Variants in ADGRB3 observed in about 807,000 individuals in gnomAD.
ADGRB3 encodes the protein adhesion G protein-coupled receptor B3.
Under a neutral mutation model 193.4 loss-of-function variants are expected in ADGRB3, and 37 were observed. That is an observed-to-expected ratio of 0.19 (90% CI 0.15 to 0.25). The LOEUF (loss-of-function observed/expected upper bound fraction) is 0.25, where lower values mean the gene tolerates loss of function less well. Among genes scored for constraint, ADGRB3 ranks in the 10% least tolerant of loss-of-function variants. The pLI is 1.00. For missense variants in ADGRB3, 1,637 were observed against 1,852.9 expected, an observed-to-expected ratio of 0.88 and a Z score of 2.14; for synonymous variants, 690 against 644.2, an observed-to-expected ratio of 1.07 and a Z score of -1.08.
At chr6:69,380,204 G>C (rs9446112) in intron 30 of ADGRB3, among the ~76,000 whole-genome samples, 1,615 of 152,048 alleles carry the variant, frequency 0.011, 22 homozygotes, top group African/African-American at 0.037. Flanking sequence ...TCTGGTGTAA[G>C]TATTTGGCTG....
At chr6:69,321,847 A>G (rs1159618845) in intron 20 of ADGRB3, among the ~76,000 whole-genome samples, 1 of 151,786 alleles carries the variant, frequency 6.6e-6, no homozygotes, top group Non-Finnish European at 1.5e-5. Flanking sequence ...GTTTCCTTGT[A>G]TGGAGTGTTT....
At chr6:68,821,132 C>A (rs1353990734) in intron 3 of ADGRB3, among the ~76,000 whole-genome samples, 1 of 151,858 alleles carries the variant, frequency 6.6e-6, no homozygotes, top group Non-Finnish European at 1.5e-5. Context: ...AAGCCAAATA[C>A]CTTAATAACA....
At chr6:69,292,715 T>A (rs1767716108) in intron 20 of ADGRB3, among the ~76,000 whole-genome samples, 1 of 147,100 alleles carries the variant, frequency 6.8e-6, no homozygotes, top group Non-Finnish European at 1.5e-5. Context: ...ACCTCTTTCT[T>A]TTTTTTTTTT....
chr6:69,027,366 A>G (rs1197738860), intron 13 of ADGRB3, among the ~76,000 whole-genome samples: 11 of 152,138 alleles, frequency 7.2e-5, no homozygotes, highest in Admixed American at 7.2e-4. Context: ...TGGAGCTGGC[A>G]TCTCCTATGA....
chr6:68,958,905 G>A (rs1277302093), intron 8 of ADGRB3, among the ~76,000 whole-genome samples: 5 of 135,566 alleles, frequency 3.7e-5, no homozygotes, highest in Non-Finnish European at 8.1e-5. Context: ...GTGTGTGTGT[G>A]TGTGTGTACA....
At chr6:69,330,880 A>G (rs1290442375) in intron 23 of ADGRB3, among the ~76,000 whole-genome samples, 1 of 152,194 alleles carries the variant, frequency 6.6e-6, no homozygotes, top group Non-Finnish European at 1.5e-5. Context: ...CTCATCATTT[A>G]CCATAATTTC....
At chr6:69,294,055 C>T (rs946969903) in intron 20 of ADGRB3, among the ~76,000 whole-genome samples, 13 of 152,106 alleles carry the variant, frequency 8.5e-5, no homozygotes, top group African/African-American at 3.1e-4. Context: ...TCACTGTTCC[C>T]TCTTCGTCTC....
chr6:69,248,582 G>C (rs549662422), intron 20 of ADGRB3, among the ~76,000 whole-genome samples: 1 of 152,294 alleles, frequency 6.6e-6, no homozygotes, highest in African/African-American at 2.4e-5. Context: ...TCAGAGGTTG[G>C]CAAACTTTTG....
At chr6:69,219,463 A>ATATG (rs1765843727) in intron 17 of ADGRB3, among the ~76,000 whole-genome samples, 5 of 51,472 alleles carry the variant, frequency 9.7e-5, no homozygotes, top group Non-Finnish European at 1.5e-4. Flanking sequence ...ACACACACGT[A>ATATG]TATATATATA....
chr6:68,772,031 G>T (rs1194792839), intron 3 of ADGRB3, among the ~76,000 whole-genome samples: 5 of 152,100 alleles, frequency 3.3e-5, no homozygotes, highest in African/African-American at 1.2e-4. Flanking sequence ...AGGAGAAGTT[G>T]TACTTTAACA....
chr6:69,134,794 T>C (rs1381023146), intron 17 of ADGRB3, among the ~76,000 whole-genome samples: 1 of 151,834 alleles, frequency 6.6e-6, no homozygotes, highest in East Asian at 1.9e-4. Context: ...TGGAGAATAA[T>C]TTCAACATTA....
Position 68,840,369 on chromosome 6 carries a change from C to CTTTTTTTTTTTT in ADGRB3, c.758-90162_758-90151dup, listed in dbSNP as rs752625602. 9.1e-4 allele frequency among the ~76,000 whole-genome samples: 63 copies of CTTTTTTTTTTTT among 69,422 alleles called. 6 individuals carry two copies. Among genetic ancestry groups the CTTTTTTTTTTTT allele is most frequent in the African/African-American group, 1.0e-3 (14 of 13,418 alleles). The allele number at this position is 69,422 out of a possible 152,430, so 45.5% of individuals were successfully genotyped here. A position where few individuals can be genotyped will look rare whatever the true frequency, so the allele number is the denominator to read the frequency against. On this transcript the variant is annotated intron_variant, in intron 3 of 31. Coordinates refer to ENST00000370598, the MANE Select transcript of ADGRB3 (RefSeq NM_001704.3). ...GCAGTGGAGTAAGGCACTGGGCAGT[C>CTTTTTTTTTTTT]TTTTTTTTTTTTTTTTTTTTTTTTT...
chr6:69,164,876 G>T (rs1164084979), intron 17 of ADGRB3, among the ~76,000 whole-genome samples: 1 of 151,842 alleles, frequency 6.6e-6, no homozygotes, highest in Non-Finnish European at 1.5e-5. Context: ...TCTATTCTTG[G>T]CAGCTAGCAC....
chr6:68,667,199 A>G (rs1768822748), intron 3 of ADGRB3, among the ~76,000 whole-genome samples: 1 of 151,932 alleles, frequency 6.6e-6, no homozygotes, highest in African/African-American at 2.4e-5. Context: ...ACTTATAATC[A>G]TAATTGTAGA....
At chr6:68,912,771 G>A (rs185454814) in intron 3 of ADGRB3, among the ~76,000 whole-genome samples, 6 of 152,002 alleles carry the variant, frequency 3.9e-5, no homozygotes, top group East Asian at 1.9e-4. Flanking sequence ...TGCCTCACTC[G>A]GGAAACACAA....
intron 20 of ADGRB3, among the ~76,000 whole-genome samples, chr6:69,254,194 C>T (rs1766696982): frequency 1.3e-5 from 2 of 152,192 alleles, no homozygotes; most frequent in South Asian, 4.1e-4. Context: ...TTAAATTTCA[C>T]TGATTAGATT....
rs72919310 is a variant in ADGRB3 at position 69,093,239 on chromosome 6, G to A, written c.2480+17201G>A. On this transcript the variant is annotated intron_variant, in intron 17 of 31. Coordinates refer to ENST00000370598, the MANE Select transcript of ADGRB3 (RefSeq NM_001704.3). ...AGGGAGAGAGAGGTGGGCAGCCTGC[G>A]TCCAGGGAATTGAGGTAGCCAGCCT... 5.8e-3 allele frequency among the ~76,000 whole-genome samples: 884 copies of A among 151,414 alleles called. 4 individuals are homozygous for A. Among genetic ancestry groups the A allele is most frequent in the Admixed American group, 9.2e-3 (140 of 15,210 alleles).
chr6:69,294,517 A>C (rs556473570), intron 20 of ADGRB3, among the ~76,000 whole-genome samples: 21 of 152,228 alleles, frequency 1.4e-4, no homozygotes, highest in African/African-American at 4.8e-4. Context: ...AGAGCCTTTG[A>C]TGGCAAGCTG....
chr6:68,867,695 G>T (rs1480275301), intron 3 of ADGRB3, among the ~76,000 whole-genome samples: 2 of 152,352 alleles, frequency 1.3e-5, no homozygotes, highest in South Asian at 4.1e-4. Flanking sequence ...AGCCACAGGG[G>T]TGGAGCTGCC....
Sources: gnomAD v4.1 joint callset for allele counts (sites outside exome capture counted in the v4.1 genomes callset) on GRCh38, gnomAD v4.1.1 for gene constraint, MANE v1.5 for transcripts, NCBI Gene and HGNC (gene_info 2026-07-23, HGNC 2026-07-21) for gene names.